Variants in P2RY14 observed in about 807,000 individuals in gnomAD.
The protein encoded by P2RY14 is purinergic receptor P2Y14, also known as P2Y purinoceptor 14.
P2RY14 carries 2 observed loss-of-function variants against 0.9 expected under a neutral mutation model. The ratio of observed to expected loss-of-function variants is 2.16; its 90% CI spans 0.88 to 6.79. The LOEUF (loss-of-function observed/expected upper bound fraction) is 6.79, where lower values mean the gene tolerates loss of function less well. Among genes scored for constraint, P2RY14 ranks in the 30% most tolerant of loss-of-function variants. P2RY14 has a pLI of 0.05. For synonymous variants in P2RY14, 158 were observed against 147.2 expected (o/e 1.07, Z -0.53); for missense variants, 378 against 400.1 (o/e 0.94, Z 0.47).
chr3:151,272,028 G>T (rs1450089955), intron 1 of P2RY14, among the ~76,000 whole-genome samples: 1 of 152,152 alleles, frequency 6.6e-6, no homozygotes, highest in Non-Finnish European at 1.5e-5. Context: ...AAAAGTCAAA[G>T]GCACAAAACT....
At chr3:151,226,384 A>G (rs1167625944) in intron 1 of P2RY14, among the ~76,000 whole-genome samples, 1 of 152,236 alleles carries the variant, frequency 6.6e-6, no homozygotes, top group Non-Finnish European at 1.5e-5. Flanking sequence ...CCAATGAGTA[A>G]ACGTTTACGT....
chr3:151,244,472 A>G (rs1734913575), intron 1 of P2RY14, among the ~76,000 whole-genome samples: 4 of 146,322 alleles, frequency 2.7e-5, no homozygotes, highest in Admixed American at 6.9e-5. Context: ...CTCACTCAAA[A>G]CCACTCAACT....
chr3:151,242,442 G>A (rs2149388910), intron 1 of P2RY14, among the ~76,000 whole-genome samples: 1 of 152,322 alleles, frequency 6.6e-6, no homozygotes, highest in East Asian at 1.9e-4. Context: ...CCGGCAGACT[G>A]CCTCCTCAAG....
intron 1 of P2RY14, among the ~76,000 whole-genome samples, chr3:151,225,633 G>A (rs924817556): frequency 3.9e-5 from 6 of 152,062 alleles, no homozygotes; most frequent in African/African-American, 1.4e-4. Context: ...AGATCCTATC[G>A]GTAGCTGTCT....
intron 1 of P2RY14, chr3:151,241,670 T>C (rs1559923967): frequency 2.0e-5 from 3 of 152,168 alleles, no homozygotes; most frequent in Non-Finnish European, 4.4e-5. Flanking sequence ...TATACACACA[T>C]ATATACACAT....
intron 1 of P2RY14, among the ~76,000 whole-genome samples, chr3:151,254,388 TC>T (rs1737423902): frequency 6.6e-6 from 1 of 152,262 alleles, no homozygotes; most frequent in Admixed American, 6.5e-5. Flanking sequence ...GGATTGCAAC[TC>T]CCTAATTTCA....
intron 1 of P2RY14, among the ~76,000 whole-genome samples, chr3:151,243,713 G>A (rs558050259): frequency 6.6e-6 from 1 of 151,882 alleles, no homozygotes; most frequent in African/African-American, 2.4e-5. Flanking sequence ...ATCAACTAAC[G>A]AGCAAAATAA....
Position 151,257,681 on chromosome 3 carries a change from T to C in P2RY14, c.-133+20606A>G, listed in dbSNP as rs563615517. Among the ~76,000 whole-genome samples, 46 of 152,378 alleles carry C rather than the reference T, an allele frequency of 3.0e-4. No individual in the cohort carries two copies. In the South Asian group the frequency reaches 9.1e-3, roughly 30 times the overall value. On this transcript the variant is annotated intron_variant, in intron 1 of 2. Coordinates refer to ENST00000309170, the MANE Select transcript of P2RY14 (RefSeq NM_014879.4). ...AAGATTTGCATTGTGTGGGCTTTCA[T>C]ACCATCTTCAAGAGATGATTTTTTG...
chr3:151,270,043 T>G, intron 1 of P2RY14: 1 of 227,604 alleles, frequency 4.4e-6, no homozygotes, highest in Non-Finnish European at 8.6e-6. Context: ...TGGGAAGATA[T>G]TGATAAAGAA....
intron 1 of P2RY14, among the ~76,000 whole-genome samples, chr3:151,245,790 A>G (rs1735309498): frequency 7.0e-6 from 1 of 143,674 alleles, no homozygotes; most frequent in South Asian, 2.3e-4. Flanking sequence ...CAGGAGAAGG[A>G]AATAAAGGGT....
At chr3:151,239,876 A>C (rs888217461) in intron 1 of P2RY14, among the ~76,000 whole-genome samples, 6 of 152,236 alleles carry the variant, frequency 3.9e-5, no homozygotes, top group African/African-American at 1.4e-4. Flanking sequence ...TTTTATGAAG[A>C]GTAATTAAAT....
At chr3:151,263,563 GTTAAT>G (rs1446563241) in intron 1 of P2RY14, among the ~76,000 whole-genome samples, 3 of 152,052 alleles carry the variant, frequency 2.0e-5, no homozygotes, top group South Asian at 2.1e-4. Flanking sequence ...GTGTTTTATC[GTTAAT>G]TTAATTTTCC....
chr3:151,217,415 T>C (rs78916286), intron 2 of P2RY14, among the ~76,000 whole-genome samples: 2,792 of 152,356 alleles, frequency 0.018, 34 homozygotes, highest in Non-Finnish European at 0.029. Context: ...CCTGGTGATA[T>C]ACACCATTCC....
chr3:151,247,546 G>GA, intron 1 of P2RY14, among the ~76,000 whole-genome samples: 2 of 148,574 alleles, frequency 1.3e-5, no homozygotes, highest in Admixed American at 1.4e-4. Context: ...CTCACTCATA[G>GA]GTGGGAATTG....
At chr3:151,230,659 C>T (rs545240042) in intron 1 of P2RY14, among the ~76,000 whole-genome samples, 150 of 151,588 alleles carry the variant, frequency 9.9e-4, no homozygotes, top group African/African-American at 3.3e-3. Context: ...CTATTTTCAA[C>T]GTCTCTTTCT....
intron 1 of P2RY14, among the ~76,000 whole-genome samples, chr3:151,257,037 A>G (rs534385340): frequency 1.3e-5 from 2 of 152,304 alleles, no homozygotes; most frequent in African/African-American, 4.8e-5. Flanking sequence ...AAAACAACAG[A>G]AAAGCAGCAC....
Position 151,218,276 on chromosome 3 carries a change from T to C in P2RY14, c.-25+1259A>G, listed in dbSNP as rs184107663. Among the ~76,000 whole-genome samples the C allele has an allele frequency of 4.3e-4, 65 of 152,310 alleles. No individual in the cohort carries two copies. In the East Asian group the frequency reaches 0.011, roughly 25 times the overall value. Reference sequence around the variant, plus strand: ...AGTTGATTCACTGTTTCTTACCAGCTCATGCCAGTCCATTAAAGAGGAGAG... The same window carrying C: ...AGTTGATTCACTGTTTCTTACCAGCCCATGCCAGTCCATTAAAGAGGAGAG... On this transcript the variant is annotated intron_variant, in intron 2 of 2. Coordinates refer to ENST00000309170, the MANE Select transcript of P2RY14 (RefSeq NM_014879.4).
At chr3:151,261,993 C>G (rs1382148939) in intron 1 of P2RY14, among the ~76,000 whole-genome samples, 1 of 152,152 alleles carries the variant, frequency 6.6e-6, no homozygotes, top group Non-Finnish European at 1.5e-5. Flanking sequence ...TCCCAGTGTG[C>G]TAAGATTACA....
intron 1 of P2RY14, among the ~76,000 whole-genome samples, chr3:151,238,188 C>A (rs1559919110): frequency 6.7e-6 from 1 of 149,958 alleles, no homozygotes; most frequent in Non-Finnish European, 1.5e-5. Context: ...GCTCTGTCAC[C>A]CAGGCTGGAG....
Sources: gnomAD v4.1 joint callset for allele counts (sites outside exome capture counted in the v4.1 genomes callset) on GRCh38, gnomAD v4.1.1 for gene constraint, MANE v1.5 for transcripts, NCBI Gene and HGNC (gene_info 2026-07-23, HGNC 2026-07-21) for gene names.